Variants in SGIP1 observed in about 807,000 individuals in gnomAD.
SGIP1 encodes the protein SH3GL interacting endocytic adaptor 1.
A neutral mutation model predicts 107.5 loss-of-function variants in SGIP1; 38 were observed. The observed-to-expected ratio is 0.35, with a 90% CI of 0.27 to 0.46. The LOEUF is 0.46. Ranked by LOEUF, SGIP1 falls within the 20% of genes least tolerant of loss-of-function variation. The pLI is 1.00. For synonymous variants in SGIP1, 365 were observed against 366.1 expected (o/e 1.00, Z 0.03); for missense variants, 929 against 1,019.5 (o/e 0.91, Z 1.21).
chr1:66,720,131 T>C (rs2093450729), intron 19 of SGIP1, among the ~76,000 whole-genome samples: 1 of 152,194 alleles, frequency 6.6e-6, no homozygotes. Flanking sequence ...AGAAAATCAA[T>C]GGTTTCCCTG....
intron 18 of SGIP1, among the ~76,000 whole-genome samples, chr1:66,695,852 C>A (rs17129345): frequency 3.9e-5 from 6 of 152,164 alleles, no homozygotes; most frequent in Non-Finnish European, 7.4e-5. Context: ...TGCAGTGCAA[C>A]AAATATAAGG....
rs990549198 is a variant in SGIP1 at position 66,642,675 on chromosome 1, A to G, written c.229-135A>G. 4 of 614,060 alleles carry G rather than the reference A, an allele frequency of 6.5e-6. No individual in the cohort carries two copies. In the African/African-American group the frequency reaches 7.4e-5, roughly 11 times the overall value. 38.0% of individuals were successfully genotyped at this position (614,060 alleles called of 1,614,324 possible). On this transcript the variant is annotated intron_variant, in intron 5 of 24. Transcript: ENST00000371037. ...TATCTAAACATATTGCTCAGAATTC[A>G]CTTCCAAAAGTAAAAACTTCATCTC...
At chr1:66,691,165 C>T (rs1048827458) in intron 17 of SGIP1, among the ~76,000 whole-genome samples, 1 of 152,128 alleles carries the variant, frequency 6.6e-6, no homozygotes, top group Non-Finnish European at 1.5e-5. Context: ...ATTGTCAGAA[C>T]TCCCCTCTGG....
At chr1:66,704,999 A>G (rs1454665254) in intron 18 of SGIP1, among the ~76,000 whole-genome samples, 1 of 152,228 alleles carries the variant, frequency 6.6e-6, no homozygotes, top group East Asian at 1.9e-4. Flanking sequence ...TAAGAATTTT[A>G]TATTAATTGC....
intron 1 of SGIP1, among the ~76,000 whole-genome samples, chr1:66,581,215 A>G (rs2148739851): frequency 6.6e-6 from 1 of 152,252 alleles, no homozygotes; most frequent in East Asian, 1.9e-4. Flanking sequence ...CATTTAAGGC[A>G]GCATAGTACA....
chr1:66,733,920 A>G (rs746095050), intron 21 of SGIP1, 40 bp downstream of exon 21: 4 of 1,580,502 alleles, frequency 2.5e-6, no homozygotes, highest in Non-Finnish European at 3.4e-6. Flanking sequence ...TCCACATGAC[A>G]TATTTGTTTT....
At chr1:66,641,820 C>T (rs913530488) in intron 5 of SGIP1, among the ~76,000 whole-genome samples, 3 of 152,156 alleles carry the variant, frequency 2.0e-5, no homozygotes, top group African/African-American at 7.2e-5. Flanking sequence ...GGAGTACCAG[C>T]ACTCTCCCAC....
At chr1:66,662,414 T>A (rs1262739738) in intron 8 of SGIP1, among the ~76,000 whole-genome samples, 3 of 152,152 alleles carry the variant, frequency 2.0e-5, no homozygotes, top group Non-Finnish European at 2.9e-5. Context: ...GACTGTTTGG[T>A]TAGTTGGAAA....
intron 18 of SGIP1, among the ~76,000 whole-genome samples, chr1:66,711,726 G>C (rs2092933144): frequency 6.6e-6 from 1 of 152,124 alleles, no homozygotes; most frequent in Non-Finnish European, 1.5e-5. Context: ...TGTTTGGCCT[G>C]ATAGCCTGCA....
At chr1:66,542,456 T>C (rs890810558) in intron 1 of SGIP1, among the ~76,000 whole-genome samples, 1 of 152,122 alleles carries the variant, frequency 6.6e-6, no homozygotes, top group African/African-American at 2.4e-5. Context: ...ACGTATGCAT[T>C]GTGACACAGC....
Position 66,643,590 on chromosome 1 carries a change from A to G in SGIP1, c.330A>G (p.Glu110=). Residue 110 remains glutamate (E), a synonymous_variant, in exon 7 of 25, where the codon GAA becomes GAG. Coordinates refer to ENST00000371037, the MANE Select transcript of SGIP1 (RefSeq NM_032291.4). The part of the protein sequence containing the change: ...HFYSSSESEE[E]EESHKKFNIK... Reference sequence around the variant, plus strand: ...ATTCTTCAAGTGAATCGGAAGAAGAAGAAGAATCACATAAGAAATTTAATA... The same window carrying G: ...ATTCTTCAAGTGAATCGGAAGAAGAGGAAGAATCACATAAGAAATTTAATA... 1 of 1,611,914 alleles carries G rather than the reference A, an allele frequency of 6.2e-7. No individual in the cohort carries two copies. The highest frequency in any genetic ancestry group is 1.1e-5 in the South Asian group (1 of 90,558).
chr1:66,711,277 C>T (rs1469225664), intron 18 of SGIP1, among the ~76,000 whole-genome samples: 1 of 152,056 alleles, frequency 6.6e-6, no homozygotes. Context: ...CATCCTATAT[C>T]ATCATATTTA....
intron 18 of SGIP1, 102 bp downstream of exon 18, chr1:66,695,595 T>A: frequency 1.8e-6 from 2 of 1,084,622 alleles, no homozygotes; most frequent in Non-Finnish European, 2.7e-6. Context: ...AGTTCTGGTC[T>A]CACTTTCTAT....
At chr1:66,677,161 G>A in intron 13 of SGIP1, 65 bp downstream of exon 13, 2 of 1,269,468 alleles carry the variant, frequency 1.6e-6, no homozygotes, top group South Asian at 1.2e-5. Flanking sequence ...TCTGCATAGT[G>A]AAATTAGGCA....
rs1234725429 is a variant in SGIP1, at chr1:66,743,190, A to G, written c.*95A>G. 28 of 1,280,634 alleles carry G rather than the reference A, an allele frequency of 2.2e-5. No homozygotes were observed. The highest frequency in any genetic ancestry group is 2.9e-5 in the African/African-American group (2 of 68,160). 79.3% of individuals were successfully genotyped at this position (1,280,634 alleles called of 1,614,324 possible). A position where few individuals can be genotyped will look rare whatever the true frequency, so the allele number is the denominator to read the frequency against. ...TTTGGTTTGATGAAAACAAACCAAT[A>G]TCTGCACTTGGGATATATCAGGTGG... On this transcript the variant is annotated 3_prime_UTR_variant, in exon 25 of 25. Coordinates refer to ENST00000371037, the MANE Select transcript of SGIP1 (RefSeq NM_032291.4).
chr1:66,631,681 T>TCTCTCTC (rs2074740245), intron 2 of SGIP1, among the ~76,000 whole-genome samples: 2 of 132,162 alleles, frequency 1.5e-5, no homozygotes, highest in African/African-American at 2.8e-5. Flanking sequence ...CTCTCTCTCT[T>TCTCTCTC]TCTCTCTCTC....
rs1190281889 is a variant in SGIP1 at position 66,744,850 on chromosome 1, A to G, written c.*1755A>G. 2.0e-5 allele frequency: 3 copies of G among 152,494 alleles called. No homozygotes were observed. The East Asian group carries it at 5.8e-4, about 29-fold the overall frequency. The allele number at this position is 152,494 out of a possible 1,614,324, so 9.4% of individuals were successfully genotyped here. On this transcript the variant is annotated 3_prime_UTR_variant, in exon 25 of 25. Transcript: ENST00000371037. ...CTGGTGTTGAAGTTTCTTTGAACGA[A>G]CTAAATATACTCATTTTATGTAAAG...
chr1:66,548,258 A>G (rs992720550), intron 1 of SGIP1, among the ~76,000 whole-genome samples: 4 of 151,442 alleles, frequency 2.6e-5, no homozygotes, highest in Non-Finnish European at 4.4e-5. Flanking sequence ...AGGAGGAGGG[A>G]TTGTCTTGAA....
At chr1:66,676,919 G>A in intron 12 of SGIP1, 85 bp from the exon 13 acceptor site, 1 of 1,064,704 alleles carries the variant, frequency 9.4e-7, no homozygotes, top group Non-Finnish European at 1.4e-6. Context: ...ATTTTGTAAA[G>A]CTCAACTTGA....
Sources: allele counts gnomAD v4.1 joint callset (sites outside exome capture counted in the v4.1 genomes callset), GRCh38; gene constraint gnomAD v4.1.1; transcripts MANE v1.5; gene names NCBI Gene and HGNC (gene_info 2026-07-23, HGNC 2026-07-21).